Variants in DOCK1 observed in about 807,000 individuals in gnomAD.
DOCK1 encodes the protein dedicator of cytokinesis 1.
Under a neutral mutation model 262.7 loss-of-function variants are expected in DOCK1, and 138 were observed. That is an observed-to-expected ratio of 0.53 (90% CI 0.46 to 0.61). The LOEUF is 0.61. Among genes scored for constraint, DOCK1 ranks in the 20% least tolerant of loss-of-function variants. The probability of loss-of-function intolerance (pLI) is 0.00; values close to 1 mark genes in which losing one functional copy is unlikely to be tolerated. For synonymous variants in DOCK1, 866 were observed against 867.4 expected (o/e 1.00, Z 0.03); for missense variants, 1,908 against 2,370.7 (o/e 0.80, Z 4.05).
chr10:127,339,733 G>GTGTGCATGCA (rs71032552), intron 30 of DOCK1, among the ~76,000 whole-genome samples: 4 of 109,336 alleles, frequency 3.7e-5, no homozygotes, highest in East Asian at 7.0e-4. Flanking sequence ...GTGTGTGTGT[G>GTGTGCATGCA]TGCATGCTGT....
At chr10:127,396,286 G>C (rs1298153795) in intron 38 of DOCK1, among the ~76,000 whole-genome samples, 1 of 152,206 alleles carries the variant, frequency 6.6e-6, no homozygotes, top group Non-Finnish European at 1.5e-5. Context: ...CTGCAGTGAT[G>C]TTTGTTGACT....
At chr10:127,441,375 G>A (rs932773208) in intron 49 of DOCK1, among the ~76,000 whole-genome samples, 35 of 152,332 alleles carry the variant, frequency 2.3e-4, no homozygotes, top group African/African-American at 8.4e-4. Context: ...TCAGAGCACA[G>A]AACCTTGGCG....
At chr10:126,933,324 G>GT (rs1380222169) in intron 1 of DOCK1, among the ~76,000 whole-genome samples, 1 of 152,196 alleles carries the variant, frequency 6.6e-6, no homozygotes, top group Non-Finnish European at 1.5e-5. Context: ...AGCTGTTACT[G>GT]TAAGTGCCAA....
Position 127,444,109 on chromosome 10 carries a change from C to T in DOCK1, c.5260-17C>T. On this transcript the variant is annotated splice_polypyrimidine_tract_variant and intron_variant, in intron 49 of 51. Transcript: ENST00000623213. Reference sequence around the variant, plus strand: ...ATAACAGACCGTAACTGTGCTCTTTCTGTCCTTTTGATGTAGATAAGTCCC... The same window carrying T: ...ATAACAGACCGTAACTGTGCTCTTTTTGTCCTTTTGATGTAGATAAGTCCC... 6.4e-7 allele frequency: 1 copy of T among 1,552,786 alleles called. No homozygotes were observed. Among genetic ancestry groups the T allele is most frequent in the Non-Finnish European group, 8.7e-7 (1 of 1,147,896 alleles).
chr10:127,321,226 C>A (rs2062506935), intron 29 of DOCK1, among the ~76,000 whole-genome samples: 1 of 98,696 alleles, frequency 1.0e-5, no homozygotes, highest in Non-Finnish European at 2.2e-5. Flanking sequence ...CTCTCCTCCC[C>A]TCCCCTCCCC....
At chr10:127,095,033 A>T (rs1401615883) in intron 23 of DOCK1, among the ~76,000 whole-genome samples, 1 of 152,194 alleles carries the variant, frequency 6.6e-6, no homozygotes, top group Non-Finnish European at 1.5e-5. Context: ...AACAAAAAGA[A>T]TACTTCAGTA....
Position 127,409,165 on chromosome 10 carries a change from C to T in DOCK1, c.4251C>T (p.Asn1417=), listed in dbSNP as rs2229599. 103,535 of 1,613,454 alleles carry T rather than the reference C, an allele frequency of 0.064. 3,869 individuals are homozygous for T. Among genetic ancestry groups the T allele is most frequent in the Non-Finnish European group, 0.074 (87,858 of 1,179,652 alleles). Residue 1417 remains asparagine, a synonymous_variant, in exon 41 of 52, where the codon AAC becomes AAT. Coordinates refer to ENST00000623213, the MANE Select transcript of DOCK1 (RefSeq NM_001290223.2). ...TTSPPGDDIK[N]SPGQYIQCFT... ...CTCCACCAGGCGACGATATTAAAAACTCTCCTGGCCAGTGTATCCTTTAAG... is the reference window on the plus strand; with the variant it reads ...CTCCACCAGGCGACGATATTAAAAATTCTCCTGGCCAGTGTATCCTTTAAG...
intron 38 of DOCK1, among the ~76,000 whole-genome samples, chr10:127,396,824 T>G (rs2066882953): frequency 6.6e-6 from 1 of 152,198 alleles, no homozygotes; most frequent in South Asian, 2.1e-4. Context: ...AGTTTTCTGT[T>G]TTGACTAATA....
At chr10:127,352,578 G>A (rs151075263) in intron 31 of DOCK1, among the ~76,000 whole-genome samples, 1,702 of 152,212 alleles carry the variant, frequency 0.011, 16 homozygotes, top group Middle Eastern at 0.048. Context: ...CACTGATGAA[G>A]TTCAGCCTAG....
chr10:127,327,178 G>A (rs150056673), intron 29 of DOCK1, among the ~76,000 whole-genome samples: 323 of 152,324 alleles, frequency 2.1e-3, no homozygotes, highest in Non-Finnish European at 3.6e-3. Context: ...CGGCTATAGA[G>A]TCAGCCTGTC....
At chr10:127,258,585 G>A (rs1164470867) in intron 29 of DOCK1, among the ~76,000 whole-genome samples, 2 of 152,192 alleles carry the variant, frequency 1.3e-5, no homozygotes, top group Non-Finnish European at 1.5e-5. Flanking sequence ...TGGCTCTTAC[G>A]AATAAAGCTG....
chr10:127,106,153 T>G, intron 23 of DOCK1, 78 bp from the exon 24 acceptor site: 1 of 1,414,060 alleles, frequency 7.1e-7, no homozygotes, highest in Non-Finnish European at 9.7e-7. Flanking sequence ...TCTGCGGTTC[T>G]TCTCATAAGG....
intron 16 of DOCK1, among the ~76,000 whole-genome samples, chr10:127,030,379 G>A (rs61873972): frequency 0.045 from 6,909 of 152,124 alleles, 210 homozygotes; most frequent in Non-Finnish European, 0.068. Context: ...TTTGGCCCTC[G>A]CTGTCTGTCA....
chr10:126,915,430 CG>C (rs111810265), intron 1 of DOCK1, among the ~76,000 whole-genome samples: 37,855 of 120,872 alleles, frequency 0.31, 5,366 homozygotes, highest in East Asian at 0.58. Context: ...TTTTTGGGGG[CG>C]GGGGGGGGAT....
At chr10:126,934,390 C>T (rs993365404) in intron 1 of DOCK1, among the ~76,000 whole-genome samples, 5 of 152,342 alleles carry the variant, frequency 3.3e-5, no homozygotes, top group South Asian at 2.1e-4. Flanking sequence ...GGGCTCGCCC[C>T]GACACCACTG....
At chr10:127,324,719 G>A (rs149531913) in intron 29 of DOCK1, among the ~76,000 whole-genome samples, 1 of 152,118 alleles carries the variant, frequency 6.6e-6, no homozygotes, top group Non-Finnish European at 1.5e-5. Context: ...GAAAGTCTTA[G>A]ATCAAAGTCA....
intron 27 of DOCK1, among the ~76,000 whole-genome samples, chr10:127,242,376 A>T (rs2059293779): frequency 6.6e-6 from 1 of 152,164 alleles, no homozygotes; most frequent in South Asian, 2.1e-4. Context: ...ATATTTTCTC[A>T]CAGAAAATAC....
At chr10:127,126,237 G>A (rs1031843679) in intron 26 of DOCK1, among the ~76,000 whole-genome samples, 3 of 152,020 alleles carry the variant, frequency 2.0e-5, no homozygotes, top group African/African-American at 7.2e-5. Context: ...TGGGATTATA[G>A]GTGCCTGCCA....
intron 29 of DOCK1, among the ~76,000 whole-genome samples, chr10:127,277,956 A>G (rs1158795991): frequency 6.6e-6 from 1 of 152,248 alleles, no homozygotes; most frequent in Non-Finnish European, 1.5e-5. Flanking sequence ...TTTATATAAT[A>G]TTTCATTAAA....
Sources: allele counts gnomAD v4.1 joint callset (sites outside exome capture counted in the v4.1 genomes callset), GRCh38; gene constraint gnomAD v4.1.1; transcripts MANE v1.5; gene names NCBI Gene and HGNC (gene_info 2026-07-23, HGNC 2026-07-21).